CFAP65: variants seen among roughly 807,000 people sequenced by gnomAD.
CFAP65 encodes cilia- and flagella-associated protein 65.
CFAP65 carries 155 observed loss-of-function variants against 208.0 expected under a neutral mutation model. The observed-to-expected ratio is 0.75, with a 90% CI of 0.65 to 0.85. CFAP65 has a LOEUF of 0.85. CFAP65 is among the 40% of genes least tolerant of loss of function. The pLI, the probability that CFAP65 is intolerant of heterozygous loss-of-function variation, is 0.00. For missense variants in CFAP65, 2,294 were observed against 2,451.3 expected, an observed-to-expected ratio of 0.94 and a Z score of 1.36; for synonymous variants, 970 against 986.3, an observed-to-expected ratio of 0.98 and a Z score of 0.31.
Position 219,003,097 on chromosome 2 carries a change from C to T in CFAP65, c.5693+38G>A, listed in dbSNP as rs551755249. 9 of 1,544,614 alleles carry T rather than the reference C, an allele frequency of 5.8e-6. No individual in the cohort carries two copies. The African/African-American group carries it at 9.6e-5, about 16-fold the overall frequency. On this transcript the variant is annotated intron_variant, in intron 34 of 34. Transcript: ENST00000341552. This position sits in a 1 kb window ranked among gnomAD's most constrained non-coding sequence, Gnocchi z 4.4. ...GCCTGGCTGCCCCCGTGGCCCCTCT[C>T]GCGCGGTCTGCGCGGCCGCTGGTCC...
Position 219,031,779 on chromosome 2 carries a change from A to G in CFAP65, c.646-121T>C, listed in dbSNP as rs553800599. On this transcript the variant is annotated intron_variant, in intron 6 of 34. Coordinates refer to ENST00000341552, the MANE Select transcript of CFAP65 (RefSeq NM_194302.4). This position sits in a 1 kb window ranked among gnomAD's most constrained non-coding sequence, Gnocchi z 5.2. The stretch of plus-strand genomic sequence containing the variant: ...AGGGGAGGGCCAGGCCGTGGCACCC[A>G]CGTCAGACTCTGAGGGGAGCTGGGC... 3.5e-4 allele frequency: 411 copies of G among 1,188,696 alleles called. 2 individuals are homozygous for G. Among genetic ancestry groups the G allele is most frequent in the Middle Eastern group, 3.2e-3 (11 of 3,478 alleles). The allele number at this position is 1,188,696 out of a possible 1,614,324, so 73.6% of individuals were successfully genotyped here. A position where few individuals can be genotyped will look rare whatever the true frequency, so the allele number is the denominator to read the frequency against.
Position 219,021,917 on chromosome 2 carries a change from T to A in CFAP65, c.2993A>T (p.Glu998Val). 6.2e-7 allele frequency: 1 copy of A among 1,613,456 alleles called. No individual in the cohort carries two copies. The highest frequency in any genetic ancestry group is 8.5e-7 in the Non-Finnish European group (1 of 1,179,990). ...LTSSLSAKEK[E>V]LAFGNVLVNS... ...CACCAGCACATTCCCAAAGGCCAGC[T>A]CCTTTTCCTTTGCCTGGAGGCCACA... The change falls in exon 18 of 35, where the codon GAG becomes GTG. Residue 998 changes from glutamate to valine, a missense_variant. By Grantham distance (121) the Glu-to-Val change is moderately radical. Coordinates refer to ENST00000341552, the MANE Select transcript of CFAP65 (RefSeq NM_194302.4).
At position 219,031,742 on chromosome 2, in the gene CFAP65, A is replaced by C; in HGVS notation, c.646-84T>G. 9 of 1,485,182 alleles carry C rather than the reference A, an allele frequency of 6.1e-6. No homozygotes were observed. Among genetic ancestry groups the C allele is most frequent in the African/African-American group, 2.8e-5 (2 of 71,522 alleles). The allele number at this position is 1,485,182 out of a possible 1,614,324, so 92.0% of individuals were successfully genotyped here. On this transcript the variant is annotated intron_variant, in intron 6 of 34. Coordinates refer to ENST00000341552, the MANE Select transcript of CFAP65 (RefSeq NM_194302.4). This position sits in a 1 kb window ranked among gnomAD's most constrained non-coding sequence, Gnocchi z 5.2. ...TCCCGCCCACCCTCAGCCACCCCCA[A>C]CACAACCGCTGAGGGGAGGGCCAGG...
chr2:219,013,985 T>C lies in CFAP65; in HGVS notation c.3662A>G (p.Glu1221Gly). ...CTGGTGGAGCTCAGTGGAATTCAAC[T>C]CTGCTTGCTCTGCCCAGAGCTCCAC... ...IDVELWAEQA[E>G]LNSTELHQMR... is the part of the protein sequence containing the mutation. The change falls in exon 22 of 35, where the codon GAG (glutamate) becomes GGG (glycine). Residue 1221 changes from glutamate (E) to glycine (G), a missense_variant. Transcript: ENST00000341552. 2 of 1,613,736 alleles carry C rather than the reference T, an allele frequency of 1.2e-6. No homozygotes were observed. The highest frequency in any genetic ancestry group is 1.3e-5 in the African/African-American group (1 of 75,044).
rs1047207767 is a variant in CFAP65 at position 219,032,779 on chromosome 2, G to A, written c.543-207C>T. 2.0e-5 allele frequency among the ~76,000 whole-genome samples: 3 copies of A among 152,106 alleles called. No individual in the cohort carries two copies. Among genetic ancestry groups the A allele is most frequent in the African/African-American group, 7.2e-5 (3 of 41,414 alleles). ...TCCTCCTCCCCCTCCTATTCTCAGA[G>A]ATCTTCACTCTGAACAAAAGGGGAG... On this transcript the variant is annotated intron_variant, in intron 5 of 34. Transcript: ENST00000341552. This position sits in a 1 kb window ranked among gnomAD's most constrained non-coding sequence, Gnocchi z 5.5.
chr2:219,006,305 C>T (rs1469661815), intron 30 of CFAP65, 82 bp from the exon 31 acceptor site: 1 of 1,505,928 alleles, frequency 6.6e-7, no homozygotes. Flanking sequence ...CCTAGTTCCC[C>T]CACAGGCTCT....
chr2:219,040,842 C>T (rs1457342278), intron 1 of CFAP65, among the ~76,000 whole-genome samples: 1 of 152,224 alleles, frequency 6.6e-6, no homozygotes, highest in African/African-American at 2.4e-5. Flanking sequence ...TCAGACTCTA[C>T]GGGGATAGGC....
chr2:219,004,078 C>T lies in CFAP65; in HGVS notation c.5429G>A (p.Ser1810Asn). The T allele has an allele frequency of 6.2e-7, 1 of 1,614,012 alleles. No homozygotes were observed. Among genetic ancestry groups the T allele is most frequent in the Non-Finnish European group, 8.5e-7 (1 of 1,180,022 alleles). ...TGGTGTGGGCCCGATGCCCGCCCAG[C>T]TCACTTTCTCTTCCTTCTCATCCCT... Reference protein sequence around the residue: ...EERDEKEEKVSWAGIGPTPQP... With the variant: ...EERDEKEEKVNWAGIGPTPQP... The change falls in exon 33 of 35, where the codon AGC (serine) becomes AAC (asparagine). Residue 1810 changes from serine to asparagine, a missense_variant. Around this residue, in one of 2 missense-constraint regions of CFAP65, gnomAD observed 1,427 missense variants for 1,438.7 expected, o/e 0.99. Coordinates refer to ENST00000341552, the MANE Select transcript of CFAP65 (RefSeq NM_194302.4). The surrounding 1 kb of genome is among the most constrained non-coding windows in gnomAD (Gnocchi z 4.7).
Position 219,010,623 on chromosome 2 carries a change from C to T in CFAP65, c.4231G>A (p.Gly1411Arg). The part of the protein sequence containing the change: ...QGVGYNPHMM[G>R]DTAPFHNISS... ...ATGTTGTGGAATGGGGCTGTGTCCC[C>T]CATCATATGGGGGTTGTAGCCCACT... Residue 1411 changes from glycine (G) to arginine (R), a missense_variant, in exon 26 of 35, where the codon GGG becomes AGG. By Grantham distance (125) the Gly-to-Arg change is moderately radical (BLOSUM62 -2). This residue lies in a region of CFAP65 where 1,427 missense variants were observed against 1,438.7 expected (regional missense o/e 0.99). Transcript: ENST00000341552. 1 of 1,612,140 alleles carries T rather than the reference C, an allele frequency of 6.2e-7. No individual in the cohort carries two copies. Among genetic ancestry groups the T allele is most frequent in the Non-Finnish European group, 8.5e-7 (1 of 1,179,658 alleles).
chr2:219,013,480 G>A (rs777477182), intron 23 of CFAP65, 39 bp downstream of exon 23: 4 of 1,578,434 alleles, frequency 2.5e-6, no homozygotes, highest in Middle Eastern at 1.7e-4. Context: ...CCCTCCTCCA[G>A]CCTGAAACTA....
rs773793410 is a variant in CFAP65, at chr2:219,013,270, G to A, written c.3946C>T (p.Pro1316Ser). 2 of 1,611,870 alleles carry A rather than the reference G, an allele frequency of 1.2e-6. No homozygotes were observed. Among genetic ancestry groups the A allele is most frequent in the East Asian group, 4.5e-5 (2 of 44,880 alleles). Reference protein sequence around the residue: ...FIPIPIGDTLPPRQIYELYNG... With the variant: ...FIPIPIGDTLSPRQIYELYNG... ...TGTGGACCACTGACCTGCCGTGGGG[G>A]TAGCGTGTCACCAATGGGAATGGGG... Residue 1316 changes from proline (P) to serine (S), a missense_variant, in exon 24 of 35, where the codon CCC (proline) becomes TCC (serine). This residue lies in a region of CFAP65 where 1,427 missense variants were observed against 1,438.7 expected (regional missense o/e 0.99). Transcript: ENST00000341552.
intron 29 of CFAP65, among the ~76,000 whole-genome samples, chr2:219,007,251 G>A (rs1438185035): frequency 6.7e-6 from 1 of 150,052 alleles, no homozygotes; most frequent in African/African-American, 2.5e-5. Flanking sequence ...ACAGCTCACT[G>A]CAGCCTCAAA....
chr2:219,007,594 G>A (rs927592561), intron 29 of CFAP65, among the ~76,000 whole-genome samples: 1 of 152,126 alleles, frequency 6.6e-6, no homozygotes, highest in Non-Finnish European at 1.5e-5. Flanking sequence ...TACCAGTGTA[G>A]GAAGGTTGTG....
chr2:219,022,349 C>G lies in CFAP65; in HGVS notation c.2821-20G>C. On this transcript the variant is annotated intron_variant, in intron 16 of 34. Transcript: ENST00000341552. Reference sequence around the variant, plus strand: ...CAGCGTCTGGGGTCACAGAAATGATCCCTGCAGTGGCCTTCGGAAGCCCCT... The same window carrying G: ...CAGCGTCTGGGGTCACAGAAATGATGCCTGCAGTGGCCTTCGGAAGCCCCT... The G allele has an allele frequency of 6.3e-7, 1 of 1,582,616 alleles. No individual in the cohort carries two copies. Among genetic ancestry groups the G allele is most frequent in the East Asian group, 2.3e-5 (1 of 43,814 alleles).
intron 19 of CFAP65, 34 bp downstream of exon 19, chr2:219,021,118 G>A (rs200843245): frequency 3.9e-5 from 58 of 1,471,982 alleles, no homozygotes; most frequent in African/African-American, 1.4e-4. Context: ...GCATTTCCCC[G>A]GCCCCGACTC....
chr2:219,013,541 AC>A lies in CFAP65; in HGVS notation c.3823del (p.Val1275CysfsTer9). The A allele has an allele frequency of 6.2e-7, 1 of 1,601,270 alleles. No individual in the cohort carries two copies. The highest frequency in any genetic ancestry group is 8.5e-7 in the Non-Finnish European group (1 of 1,175,288). On this transcript the variant is annotated frameshift_variant, in exon 23 of 35. Transcript: ENST00000341552. LOFTEE classifies it high-confidence loss of function. ...CACCAGGATCTCCCGGCCATGGGAC[AC>A]CTTGAAGAGCACTGGGAGGTGATCA... is the stretch of plus-strand genomic sequence containing the variant. ...GTDHLPVLFK[V>X]SHGREILLNF... is the part of the protein sequence containing the mutation.
intron 11 of CFAP65, among the ~76,000 whole-genome samples, chr2:219,029,098 C>A (rs1379467142): frequency 3.9e-5 from 6 of 152,236 alleles, no homozygotes; most frequent in Non-Finnish European, 8.8e-5. Flanking sequence ...AAAGGCAAAG[C>A]CTGCAGGGCT....
chr2:219,037,842 A>C (rs1948454936), intron 4 of CFAP65, among the ~76,000 whole-genome samples: 1 of 152,226 alleles, frequency 6.6e-6, no homozygotes, highest in Non-Finnish European at 1.5e-5. Context: ...TGCATCATAC[A>C]CAAAGCCATA....
intron 21 of CFAP65, 32 bp downstream of exon 21, chr2:219,019,019 C>T (rs2106157628): frequency 6.2e-7 from 1 of 1,613,750 alleles, no homozygotes; most frequent in Non-Finnish European, 8.5e-7. Flanking sequence ...ACTTGTCTCC[C>T]AGGCCCCCCA....
Sources: gnomAD v4.1 joint callset for allele counts (sites outside exome capture counted in the v4.1 genomes callset) on GRCh38, gnomAD v4.1.1 for gene constraint, gnomAD v4.1.1 regional missense constraint, Gnocchi (gnomAD v3.1) non-coding constraint, MANE v1.5 for transcripts, NCBI Gene and HGNC (gene_info 2026-07-23, HGNC 2026-07-21) for gene names.